Variants in PLEKHA6 observed in about 807,000 individuals in gnomAD.
The protein encoded by PLEKHA6 is pleckstrin homology domain containing A6.
A neutral mutation model predicts 116.7 loss-of-function variants in PLEKHA6; 60 were observed. That is an observed-to-expected ratio of 0.51 (90% confidence interval 0.42 to 0.64). PLEKHA6 has a LOEUF of 0.64. Among genes scored for constraint, PLEKHA6 ranks in the 30% least tolerant of loss-of-function variants. The pLI is 0.00. For synonymous variants in PLEKHA6, 489 were observed against 556.1 expected, an observed-to-expected ratio of 0.88 and a Z score of 1.70; for missense variants, 1,338 against 1,422.7, an observed-to-expected ratio of 0.94 and a Z score of 0.96.
At chr1:204,366,684 C>T (rs1288282316) in intron 3 of PLEKHA6, among the ~76,000 whole-genome samples, 1 of 152,152 alleles carries the variant, frequency 6.6e-6, no homozygotes, top group Non-Finnish European at 1.5e-5. Context: ...TCTCTTGAAC[C>T]CCGGAGATGG....
intron 1 of PLEKHA6, among the ~76,000 whole-genome samples, chr1:204,286,809 CACA>C (rs755307908): frequency 6.6e-6 from 1 of 151,996 alleles, no homozygotes; most frequent in Non-Finnish European, 1.5e-5. Context: ...TGAGGCAGAA[CACA>C]ACAAGTATCC....
At chr1:204,252,771 G>A (rs552441078) in intron 9 of PLEKHA6, among the ~76,000 whole-genome samples, 1 of 152,206 alleles carries the variant, frequency 6.6e-6, no homozygotes, top group East Asian at 1.9e-4. Context: ...CATCCCATTT[G>A]CAGGGTCTGC....
intron 17 of PLEKHA6, among the ~76,000 whole-genome samples, 157 bp downstream of exon 17, chr1:204,241,218 C>T (rs528609136): frequency 1.3e-5 from 2 of 152,332 alleles, no homozygotes; most frequent in South Asian, 4.1e-4. Context: ...CAGGAGAGCT[C>T]CTCCTCCAGT....
chr1:204,305,480 C>A (rs765020767), intron 1 of PLEKHA6, among the ~76,000 whole-genome samples: 1 of 152,132 alleles, frequency 6.6e-6, no homozygotes, highest in Non-Finnish European at 1.5e-5. Flanking sequence ...AACTGAGAGA[C>A]CCTTGAAGGC....
At chr1:204,244,746 C>A in intron 15 of PLEKHA6, 118 bp downstream of exon 15, 1 of 722,136 alleles carries the variant, frequency 1.4e-6, no homozygotes, top group South Asian at 2.7e-5. Flanking sequence ...CAAAGAGCTC[C>A]AGCACTAGGG....
intron 1 of PLEKHA6, chr1:204,280,449 C>T (rs1572043217): frequency 1.0e-6 from 1 of 985,350 alleles, no homozygotes; most frequent in East Asian, 1.1e-4. Context: ...CACTGGGCCT[C>T]TCTTGATTAT....
At chr1:204,241,848 A>G in intron 15 of PLEKHA6, 34 bp from the exon 16 acceptor site, 1 of 1,612,900 alleles carries the variant, frequency 6.2e-7, no homozygotes, top group Non-Finnish European at 8.5e-7. Context: ...GGTTGATGTT[A>G]GTATGGCTGT....
intron 17 of PLEKHA6, among the ~76,000 whole-genome samples, chr1:204,240,266 G>A (rs1662617609): frequency 6.6e-6 from 1 of 152,144 alleles, no homozygotes. Context: ...ACTACAAATG[G>A]CCCAGACCCC....
chr1:204,354,145 C>T lies in PLEKHA6; in HGVS notation c.-95+5549G>A, dbSNP rs180934373. On this transcript the variant is annotated intron_variant, in intron 1 of 22. Transcript: ENST00000272203. The stretch of plus-strand genomic sequence containing the variant: ...CATGATGAGCCAGACTGGGGGGACA[C>T]AATGATGTCAGAGCTAAGGAGGGAC... Among the ~76,000 whole-genome samples the T allele has an allele frequency of 1.1e-4, 16 of 152,290 alleles. No individual in the cohort carries two copies. The East Asian group carries it at 3.1e-3, about 29-fold the overall frequency.
upstream of PLEKHA6, among the ~76,000 whole-genome samples, chr1:204,363,983 C>A (rs563157873): frequency 6.6e-6 from 1 of 152,302 alleles, no homozygotes; most frequent in Non-Finnish European, 1.5e-5. Flanking sequence ...TCGAGCAAAA[C>A]GTCTGTTGTG....
At chr1:204,298,243 A>T (rs192921307) in intron 1 of PLEKHA6, among the ~76,000 whole-genome samples, 2 of 152,234 alleles carry the variant, frequency 1.3e-5, no homozygotes, top group Admixed American at 1.3e-4. Context: ...GGTGGGCCTG[A>T]GTCTTCCTTG....
At chr1:204,314,437 A>G (rs759361132) in intron 1 of PLEKHA6, among the ~76,000 whole-genome samples, 52 of 152,202 alleles carry the variant, frequency 3.4e-4, no homozygotes, top group Non-Finnish European at 6.3e-4. Flanking sequence ...GCAGACGACA[A>G]TGGAGTGACT....
intron 1 of PLEKHA6, among the ~76,000 whole-genome samples, chr1:204,295,424 A>G (rs1670173514): frequency 6.7e-6 from 1 of 149,782 alleles, no homozygotes; most frequent in Non-Finnish European, 1.5e-5. Context: ...CGGGAGGCGG[A>G]GGTTGCAGTG....
intron 1 of PLEKHA6, among the ~76,000 whole-genome samples, chr1:204,303,718 C>T (rs150279949): frequency 0.016 from 2,508 of 152,080 alleles, 64 homozygotes; most frequent in African/African-American, 0.054. Flanking sequence ...TTTTGGGGTA[C>T]GGGGGTGGTG....
chr1:204,358,002 A>T (rs776366427), intron 1 of PLEKHA6, among the ~76,000 whole-genome samples: 1 of 152,172 alleles, frequency 6.6e-6, no homozygotes, highest in African/African-American at 2.4e-5. Context: ...TATCTGTGTA[A>T]GGCGTCCTGC....
chr1:204,263,651 G>A (rs1279928803), intron 6 of PLEKHA6, among the ~76,000 whole-genome samples: 5 of 152,074 alleles, frequency 3.3e-5, no homozygotes, highest in Admixed American at 2.0e-4. Flanking sequence ...TTTATCTCAC[G>A]CCTGCTGCTG....
chr1:204,264,794 C>T, intron 6 of PLEKHA6, 148 bp downstream of exon 6: 1 of 694,354 alleles, frequency 1.4e-6, no homozygotes, highest in Non-Finnish European at 2.6e-6. Flanking sequence ...CATTACTACT[C>T]CTCCTCCCCC....
chr1:204,227,110 C>T (rs1376632851), intron 21 of PLEKHA6, among the ~76,000 whole-genome samples: 1 of 152,216 alleles, frequency 6.6e-6, no homozygotes, highest in African/African-American at 2.4e-5. Flanking sequence ...AACGCCATCC[C>T]TTCCACTATG....
intron 1 of PLEKHA6, among the ~76,000 whole-genome samples, chr1:204,336,004 T>A (rs1672634694): frequency 6.6e-6 from 1 of 152,174 alleles, no homozygotes; most frequent in African/African-American, 2.4e-5. Flanking sequence ...ACTTCTCTAG[T>A]GTCAAGAAGG....
Sources: allele counts gnomAD v4.1 joint callset (sites outside exome capture counted in the v4.1 genomes callset), GRCh38; gene constraint gnomAD v4.1.1; transcripts MANE v1.5; gene names NCBI Gene and HGNC (gene_info 2026-07-23, HGNC 2026-07-21).